Variants in CCDC85C observed in about 807,000 individuals in gnomAD.
CCDC85C encodes coiled-coil domain-containing protein 85C.
A neutral mutation model predicts 38.3 loss-of-function variants in CCDC85C; 18 were observed. The observed-to-expected ratio is 0.47, with a 90% confidence interval of 0.33 to 0.70. The LOEUF (loss-of-function observed/expected upper bound fraction) is 0.70, where lower values mean the gene tolerates loss of function less well. Among genes scored for constraint, CCDC85C ranks in the 30% least tolerant of loss-of-function variants. The pLI, the probability that CCDC85C is intolerant of heterozygous loss-of-function variation, is 0.03. For synonymous variants in CCDC85C, 264 were observed against 293.8 expected, an observed-to-expected ratio of 0.90 and a Z score of 1.04; for missense variants, 566 against 621.2, an observed-to-expected ratio of 0.91 and a Z score of 0.94.
rs1182457033 is a variant in CCDC85C at position 99,535,885 on chromosome 14, A to G, written c.867+130T>C. The G allele has an allele frequency of 1.4e-6, 1 of 691,912 alleles. No homozygotes were observed. The allele number at this position is 691,912 out of a possible 1,614,324, so 42.9% of individuals were successfully genotyped here. On this transcript the variant is annotated intron_variant, in intron 2 of 5. Coordinates refer to ENST00000380243, the MANE Select transcript of CCDC85C (RefSeq NM_001144995.2). The surrounding 1 kb of genome is among the most constrained non-coding windows in gnomAD (Gnocchi z 5.5). ...TAGGTCCCTGACCCCACTTTCCAGG[A>G]GGTGACAGGTGGCAGTGGGAGCAGT...
chr14:99,557,916 A>G (rs1218554256), intron 1 of CCDC85C, among the ~76,000 whole-genome samples: 1 of 108,970 alleles, frequency 9.2e-6, no homozygotes, highest in Admixed American at 9.9e-5. Flanking sequence ...CTCTGCCTCA[A>G]AAAAATAAAG....
intron 1 of CCDC85C, among the ~76,000 whole-genome samples, chr14:99,539,441 G>A (rs2139923230): frequency 7.2e-6 from 1 of 139,036 alleles, no homozygotes; most frequent in East Asian, 2.1e-4. Context: ...CTGCACTCCA[G>A]CCTGGGTGAC....
intron 3 of CCDC85C, among the ~76,000 whole-genome samples, chr14:99,521,720 C>A (rs1037970272): frequency 4.6e-5 from 7 of 152,228 alleles, no homozygotes; most frequent in Non-Finnish European, 1.0e-4. Flanking sequence ...ACCCCATTCC[C>A]TCCAGGCCAG....
At chr14:99,594,422 G>A (rs1434111850) in intron 1 of CCDC85C, among the ~76,000 whole-genome samples, 1 of 152,240 alleles carries the variant, frequency 6.6e-6, no homozygotes, top group Non-Finnish European at 1.5e-5. Flanking sequence ...CTCAAACAGC[G>A]TTTAGACAGG....
Position 99,555,783 on chromosome 14 carries a change from A to G in CCDC85C, c.794-19695T>C, listed in dbSNP as rs183666166. On this transcript the variant is annotated intron_variant, in intron 1 of 5. Coordinates refer to ENST00000380243, the MANE Select transcript of CCDC85C (RefSeq NM_001144995.2). ...AGACCAAGACATCTGCATGTCTCCA[A>G]GAGCCTCCCGCAAACCAGTTATTAC... Among the ~76,000 whole-genome samples, 4 of 152,330 alleles carry G rather than the reference A, an allele frequency of 2.6e-5. No individual in the cohort carries two copies. In the East Asian group the frequency reaches 7.7e-4, roughly 29 times the overall value.
chr14:99,567,029 G>C (rs139764311), intron 1 of CCDC85C, among the ~76,000 whole-genome samples: 27 of 152,172 alleles, frequency 1.8e-4, no homozygotes, highest in African/African-American at 6.0e-4. Context: ...CCCTTTCAAA[G>C]CCAAGCCAAG....
chr14:99,510,127 G>T lies in CCDC85C; in HGVS notation c.*5119C>A. 6.3e-7 allele frequency: 1 copy of T among 1,574,944 alleles called. No homozygotes were observed. The highest frequency in any genetic ancestry group is 8.6e-7 in the Non-Finnish European group (1 of 1,165,764). Reference sequence around the variant, plus strand: ...GAAAAAGCAACCATTGCTGGCGGAGGCCGGGCACTGATGCGTCTCTCTCCT... The same window carrying T: ...GAAAAAGCAACCATTGCTGGCGGAGTCCGGGCACTGATGCGTCTCTCTCCT... On this transcript the variant is annotated 3_prime_UTR_variant, in exon 6 of 6. Transcript: ENST00000380243.
At chr14:99,564,596 C>G (rs931689626) in intron 1 of CCDC85C, among the ~76,000 whole-genome samples, 1 of 152,224 alleles carries the variant, frequency 6.6e-6, no homozygotes, top group Non-Finnish European at 1.5e-5. Flanking sequence ...TCTGAGCCCC[C>G]CAGGGGGGCA....
At chr14:99,574,500 G>A (rs1898429291) in intron 1 of CCDC85C, among the ~76,000 whole-genome samples, 1 of 152,124 alleles carries the variant, frequency 6.6e-6, no homozygotes, top group Non-Finnish European at 1.5e-5. Flanking sequence ...GAGGCACAGG[G>A]AACCCTGCCA....
chr14:99,507,534 C>T lies in CCDC85C; in HGVS notation c.*7712G>A, dbSNP rs1384754535. 5.3e-6 allele frequency: 1 copy of T among 190,110 alleles called. No individual in the cohort carries two copies. Among genetic ancestry groups the T allele is most frequent in the Non-Finnish European group, 1.1e-5 (1 of 90,722 alleles). 11.8% of individuals were successfully genotyped at this position (190,110 alleles called of 1,614,324 possible). A position where few individuals can be genotyped will look rare whatever the true frequency, so the allele number is the denominator to read the frequency against. On this transcript the variant is annotated 3_prime_UTR_variant, in exon 6 of 6. Transcript: ENST00000380243. ...TGAGCTATGATTGCACCACCGTACT[C>T]CAGCCTGGGTGAGAGGGAGACCGTG...
intron 1 of CCDC85C, among the ~76,000 whole-genome samples, chr14:99,586,385 T>C (rs2055025975): frequency 6.6e-6 from 1 of 152,206 alleles, no homozygotes; most frequent in Non-Finnish European, 1.5e-5. Flanking sequence ...TGGCCCAGCC[T>C]GGCATGGAAA....
At chr14:99,550,805 T>G (rs1466471430) in intron 1 of CCDC85C, among the ~76,000 whole-genome samples, 1 of 152,126 alleles carries the variant, frequency 6.6e-6, no homozygotes, top group African/African-American at 2.4e-5. Context: ...CACGCTGCCC[T>G]CTGAGCCGAG....
chr14:99,562,057 C>T (rs1025294391), intron 1 of CCDC85C, among the ~76,000 whole-genome samples: 1 of 152,080 alleles, frequency 6.6e-6, no homozygotes, highest in African/African-American at 2.4e-5. Context: ...CGGAAATGCC[C>T]GGTAGGGAGC....
At chr14:99,601,251 C>T (rs975217471) in intron 1 of CCDC85C, among the ~76,000 whole-genome samples, 1 of 152,208 alleles carries the variant, frequency 6.6e-6, no homozygotes, top group African/African-American at 2.4e-5. Flanking sequence ...ACATTTGCAG[C>T]AGTCCTGTGC....
chr14:99,587,980 T>C (rs988402181), intron 1 of CCDC85C, among the ~76,000 whole-genome samples: 3 of 152,140 alleles, frequency 2.0e-5, no homozygotes, highest in Non-Finnish European at 4.4e-5. Flanking sequence ...CAAGCTCCAG[T>C]CCAGTGCCCT....
At chr14:99,596,080 G>A (rs890842323) in intron 1 of CCDC85C, among the ~76,000 whole-genome samples, 12 of 152,200 alleles carry the variant, frequency 7.9e-5, no homozygotes, top group African/African-American at 2.2e-4. Context: ...CCCTGGGGTG[G>A]GCCCCTGTCT....
Position 99,533,072 on chromosome 14 carries a change from A to G in CCDC85C, c.867+2943T>C, listed in dbSNP as rs1897525105. Among the ~76,000 whole-genome samples, 1 of 152,168 alleles carries G rather than the reference A, an allele frequency of 6.6e-6. No individual in the cohort carries two copies. The highest frequency in any genetic ancestry group is 1.5e-5 in the Non-Finnish European group (1 of 68,036). Reference sequence around the variant, plus strand: ...GCTGGGGTTACAGGTGTGAGCCACCACACCCAGCCGTGGCTCCTCTGGTTC... The same window carrying G: ...GCTGGGGTTACAGGTGTGAGCCACCGCACCCAGCCGTGGCTCCTCTGGTTC... On this transcript the variant is annotated intron_variant, in intron 2 of 5. Transcript: ENST00000380243. The surrounding 1 kb of genome is among the most constrained non-coding windows in gnomAD (Gnocchi z 4.2).
intron 1 of CCDC85C, among the ~76,000 whole-genome samples, chr14:99,571,115 C>T (rs930186569): frequency 5.9e-5 from 9 of 152,080 alleles, no homozygotes; most frequent in Non-Finnish European, 1.3e-4. Context: ...CCCACCCTCA[C>T]GGGAAGGAGG....
chr14:99,516,721 G>T lies in CCDC85C; in HGVS notation c.1071+367C>A, dbSNP rs1897232091. Among the ~76,000 whole-genome samples, 1 of 152,126 alleles carries T rather than the reference G, an allele frequency of 6.6e-6. No individual in the cohort carries two copies. Among genetic ancestry groups the T allele is most frequent in the South Asian group, 2.1e-4 (1 of 4,834 alleles). ...GTGCTCAGGTGTGCACAGCCTGGAG[G>T]AACCGGAGCCCATCGGACTCACCAG... On this transcript the variant is annotated intron_variant, in intron 4 of 5. Transcript: ENST00000380243. The surrounding 1 kb of genome is among the most constrained non-coding windows in gnomAD (Gnocchi z 5.5).
Sources: gnomAD v4.1 joint callset for allele counts (sites outside exome capture counted in the v4.1 genomes callset) on GRCh38, gnomAD v4.1.1 for gene constraint, Gnocchi (gnomAD v3.1) non-coding constraint, MANE v1.5 for transcripts, NCBI Gene and HGNC (gene_info 2026-07-23, HGNC 2026-07-21) for gene names.